PALD1: variants seen among roughly 807,000 people sequenced by gnomAD.
The protein encoded by PALD1 is paladin.
A neutral mutation model predicts 96.0 loss-of-function variants in PALD1; 57 were observed. The ratio of observed to expected loss-of-function variants is 0.59; its 90% confidence interval spans 0.48 to 0.74. The LOEUF (loss-of-function observed/expected upper bound fraction) is 0.74. PALD1 is among the 30% of genes least tolerant of loss of function. PALD1 has a pLI of 0.00. For missense variants in PALD1, 1,063 were observed against 1,143.7 expected (o/e 0.93, Z 1.02); for synonymous variants, 464 against 473.6 (o/e 0.98, Z 0.26).
At chr10:70,482,755 C>T (rs1382512884) in intron 1 of PALD1, among the ~76,000 whole-genome samples, 1 of 152,136 alleles carries the variant, frequency 6.6e-6, no homozygotes, top group Non-Finnish European at 1.5e-5. Context: ...CTCTCTGTGC[C>T]TCAAGTCCCT....
chr10:70,526,006 G>A lies in PALD1; in HGVS notation c.55G>A (p.Glu19Lys), dbSNP rs1846855840. 3.7e-6 allele frequency: 6 copies of A among 1,614,072 alleles called. No homozygotes were observed. The Admixed American group carries it at 5.0e-5, about 13-fold the overall frequency. ...QQTVSAGTPF[E>K]GLQGSGTMDS... Reference sequence around the variant, plus strand: ...GACGGTCTCGGCAGGCACCCCATTTGAGGGCCTACAGGGCAGTGGCACGAT... The same window carrying A: ...GACGGTCTCGGCAGGCACCCCATTTAAGGGCCTACAGGGCAGTGGCACGAT... The change falls in exon 2 of 20, where the codon GAG becomes AAG. Residue 19 changes from glutamate (E) to lysine (K), a missense_variant. By Grantham distance (56) the Glu-to-Lys change is moderately conservative (BLOSUM62 1). Coordinates refer to ENST00000263563, the MANE Select transcript of PALD1 (RefSeq NM_014431.3).
chr10:70,504,127 T>C, intron 1 of PALD1, among the ~76,000 whole-genome samples: 1 of 152,254 alleles, frequency 6.6e-6, no homozygotes, highest in Non-Finnish European at 1.5e-5. Flanking sequence ...AAACGTATTC[T>C]CAGGGCTCCT....
rs143398027 is a variant in PALD1 at position 70,496,761 on chromosome 10, C to T, written c.-30+17702C>T. On this transcript the variant is annotated intron_variant, in intron 1 of 19. Transcript: ENST00000263563. ...AACATGAACACCCGCTTCTCTAGGA[C>T]GTAGAGCCAGGTGTGAACTGCTGGG... Among the ~76,000 whole-genome samples, 30 of 152,290 alleles carry T rather than the reference C, an allele frequency of 2.0e-4. No individual in the cohort carries two copies. In the East Asian group the frequency reaches 4.0e-3, roughly 21 times the overall value.
chr10:70,531,937 C>G (rs1042408147), intron 5 of PALD1, among the ~76,000 whole-genome samples: 6 of 148,220 alleles, frequency 4.0e-5, no homozygotes, highest in Non-Finnish European at 9.0e-5. Context: ...GAGCCGAGAT[C>G]ACACTACTGC....
In PALD1 at chr10:70,529,242, G is replaced by C. The variant is rs1405880732; in HGVS notation, c.199G>C (p.Glu67Gln). The change falls in exon 3 of 20, where the codon GAG (glutamate) becomes CAG (glutamine). Residue 67 changes from glutamate (E) to glutamine (Q), a missense_variant. Transcript: ENST00000263563. Reference protein sequence around the residue: ...APVVITYNCKEEFQIHDELLK... With the variant: ...APVVITYNCKQEFQIHDELLK... ...CCCCCCCCCCAGGTACAACTGCAAG[G>C]AGGAGTTCCAGATCCATGATGAGCT... 1.7e-6 allele frequency: 2 copies of C among 1,152,906 alleles called. No individual in the cohort carries two copies. Among genetic ancestry groups the C allele is most frequent in the African/African-American group, 1.7e-5 (1 of 58,566 alleles). 71.4% of individuals were successfully genotyped at this position (1,152,906 alleles called of 1,614,324 possible).
At chr10:70,556,201 C>T (rs542877713) in intron 18 of PALD1, among the ~76,000 whole-genome samples, 8 of 151,544 alleles carry the variant, frequency 5.3e-5, no homozygotes, top group African/African-American at 1.2e-4. Flanking sequence ...GCTTCCAGAA[C>T]GGAGTGTGTG....
At chr10:70,464,019 G>A in the PALD1 span, among the ~76,000 whole-genome samples, 31 of 152,112 alleles carry the variant, frequency 2.0e-4, no homozygotes, top group African/African-American at 7.5e-4. Context: ...TCACGCATGC[G>A]TTTGTCCACG....
intron 1 of PALD1, among the ~76,000 whole-genome samples, chr10:70,501,566 C>A (rs1200532190): frequency 2.6e-5 from 4 of 152,306 alleles, no homozygotes; most frequent in African/African-American, 9.6e-5. Flanking sequence ...AGCGTCCTCA[C>A]CCCGTGGGGT....
chr10:70,539,098 G>T lies in PALD1; in HGVS notation c.1576G>T (p.Gly526Trp). ...CCGGCCCTCCTGTGCCCAGGCCCTG[G>T]GGAGCATCCTGGCCTACCTGACGGA... Reference protein sequence around the residue: ...GTAQPSAKALGSILAYLTDAK... With the variant: ...GTAQPSAKALWSILAYLTDAK... Residue 526 changes from glycine (G) to tryptophan (W), a missense_variant, in exon 14 of 20, where the codon GGG (glycine) becomes TGG (tryptophan). Coordinates refer to ENST00000263563, the MANE Select transcript of PALD1 (RefSeq NM_014431.3). The surrounding 1 kb of genome is among the most constrained non-coding windows in gnomAD (Gnocchi z 4.5). The T allele has an allele frequency of 6.2e-7, 1 of 1,613,924 alleles. No individual in the cohort carries two copies.
At chr10:70,551,673 C>CTGTTGGGGCTGGA (rs1847482011) in intron 18 of PALD1, among the ~76,000 whole-genome samples, 1 of 152,178 alleles carries the variant, frequency 6.6e-6, no homozygotes, top group Non-Finnish European at 1.5e-5. Context: ...TAGTAATAAG[C>CTGTTGGGGCTGGA]AGTGAAGAAC....
In PALD1 at chr10:70,564,498, C is replaced by G; in HGVS notation, c.2397C>G (p.Pro799=). ...HLEKADSWQR[P]FSTWMQEVAS... is the part of the protein sequence containing the mutation. ...AGAAGGCCGACTCCTGGCAGAGGCC[C>G]TTCAGCACCTGGATGCAGGAGGTGA... The change falls in exon 19 of 20, where the codon CCC becomes CCG. Residue 799 remains proline (P), a synonymous_variant. Coordinates refer to ENST00000263563, the MANE Select transcript of PALD1 (RefSeq NM_014431.3). 2 of 1,613,970 alleles carry G rather than the reference C, an allele frequency of 1.2e-6. No homozygotes were observed. The highest frequency in any genetic ancestry group is 1.7e-6 in the Non-Finnish European group (2 of 1,179,992).
chr10:70,493,147 C>A (rs746123180), intron 1 of PALD1, among the ~76,000 whole-genome samples: 66 of 152,068 alleles, frequency 4.3e-4, no homozygotes, highest in Admixed American at 1.3e-3. Flanking sequence ...TGAATCAGGG[C>A]CTTGCTGTGT....
Position 70,496,828 on chromosome 10 carries a change from G to A in PALD1, c.-30+17769G>A, listed in dbSNP as rs74139650. ...TCCTTTCACCAAGAGGGAGACCGAG[G>A]AGGTTCCAGAGGGTCTGAGAGAGGA... On this transcript the variant is annotated intron_variant, in intron 1 of 19. Coordinates refer to ENST00000263563, the MANE Select transcript of PALD1 (RefSeq NM_014431.3). Among the ~76,000 whole-genome samples, 406 of 152,274 alleles carry A rather than the reference G, an allele frequency of 2.7e-3. 2 individuals are homozygous for A. Among genetic ancestry groups the A allele is most frequent in the African/African-American group, 9.0e-3 (372 of 41,544 alleles).
chr10:70,541,458 C>T lies in PALD1; in HGVS notation c.2050-5C>T. The stretch of plus-strand genomic sequence containing the variant: ...GCTTCTGTCTCAGCAGCTGTCTTCC[C>T]TCAGGGCTTCCCCGAGGTGGGTGAG... On this transcript the variant is annotated splice_region_variant and splice_polypyrimidine_tract_variant and intron_variant, in intron 16 of 19. Coordinates refer to ENST00000263563, the MANE Select transcript of PALD1 (RefSeq NM_014431.3). 4 of 1,613,538 alleles carry T rather than the reference C, an allele frequency of 2.5e-6. No individual in the cohort carries two copies. The highest frequency in any genetic ancestry group is 3.4e-6 in the Non-Finnish European group (4 of 1,179,602).
chr10:70,547,291 C>T lies in PALD1; in HGVS notation c.2122-15C>T. ...ACCAGTTTTATGTCTGCTCACCCCC[C>T]TTCTCTGGCCCCAGGTAGTAATGAA... is the stretch of plus-strand genomic sequence containing the variant. On this transcript the variant is annotated splice_polypyrimidine_tract_variant and intron_variant, in intron 17 of 19. Coordinates refer to ENST00000263563, the MANE Select transcript of PALD1 (RefSeq NM_014431.3). The T allele has an allele frequency of 6.2e-7, 1 of 1,612,998 alleles. No homozygotes were observed. Among genetic ancestry groups the T allele is most frequent in the Admixed American group, 1.7e-5 (1 of 60,012 alleles).
At chr10:70,490,874 A>G (rs879777737) in intron 1 of PALD1, among the ~76,000 whole-genome samples, 1 of 152,156 alleles carries the variant, frequency 6.6e-6, no homozygotes, top group Non-Finnish European at 1.5e-5. Flanking sequence ...ATTGCCCGAT[A>G]CTCGGAAAGC....
Position 70,532,620 on chromosome 10 carries a change from G to T in PALD1, c.634-1G>T, listed in dbSNP as rs370081067. 6.2e-6 allele frequency: 10 copies of T among 1,613,678 alleles called. No homozygotes were observed. Among genetic ancestry groups the T allele is most frequent in the African/African-American group, 1.3e-5 (1 of 74,928 alleles). On this transcript the variant is annotated splice_acceptor_variant, in intron 5 of 19. Transcript: ENST00000263563. LOFTEE classifies it high-confidence loss of function. ...CCTCTGACCCCCACACCTCCCTCTA[G>T]ATCCACGACTTTGCCCAGCTGAGCG...
the PALD1 span, among the ~76,000 whole-genome samples, chr10:70,461,364 T>C: frequency 3.9e-5 from 6 of 152,206 alleles, no homozygotes; most frequent in Non-Finnish European, 7.3e-5. Context: ...CAGCTGGAAT[T>C]ATGTCTTTAT....
At chr10:70,509,964 G>A (rs528073498) in intron 1 of PALD1, among the ~76,000 whole-genome samples, 1 of 152,328 alleles carries the variant, frequency 6.6e-6, no homozygotes, top group African/African-American at 2.4e-5. Context: ...ATGGAAATAA[G>A]CGTGGGCTGT....
Sources: gnomAD v4.1 joint callset for allele counts (sites outside exome capture counted in the v4.1 genomes callset) on GRCh38, gnomAD v4.1.1 for gene constraint, Gnocchi (gnomAD v3.1) non-coding constraint, MANE v1.5 for transcripts, NCBI Gene and HGNC (gene_info 2026-07-23, HGNC 2026-07-21) for gene names.